AFF2: variants seen among roughly 807,000 people sequenced by gnomAD.
AFF2 encodes the protein ALF transcription elongation factor 2.
AFF2 carries 14 observed loss-of-function variants against 76.9 expected under a neutral mutation model. That is an observed-to-expected ratio of 0.18 (90% CI 0.12 to 0.28). The LOEUF (loss-of-function observed/expected upper bound fraction) is 0.28, where lower values mean the gene tolerates loss of function less well. AFF2 is among the 10% of genes least tolerant of loss of function. The probability of loss-of-function intolerance (pLI) is 1.00; values close to 1 mark genes in which losing one functional copy is unlikely to be tolerated. For synonymous variants in AFF2, 398 were observed against 366.7 expected, an observed-to-expected ratio of 1.09 and a Z score of -0.98; for missense variants, 868 against 1,001.1, an observed-to-expected ratio of 0.87 and a Z score of 1.79.
intron 15 of AFF2, among the ~76,000 whole-genome samples, chrX:148,968,070 G>C (rs1436100919): frequency 9.0e-6 from 1 of 111,423 alleles, no homozygotes; most frequent in Non-Finnish European, 1.9e-5. Flanking sequence ...GAGTTGTTTA[G>C]AGCTGTCTAA....
At chrX:148,911,502 C>T (rs1281740937) in intron 9 of AFF2, among the ~76,000 whole-genome samples, 3 of 111,625 alleles carry the variant, frequency 2.7e-5, no homozygotes, top group Non-Finnish European at 5.6e-5. Flanking sequence ...GGCTCCAGCA[C>T]CAAGAAGTTT....
chrX:148,685,817 C>G (rs1407814947), intron 3 of AFF2, among the ~76,000 whole-genome samples: 1 of 110,618 alleles, frequency 9.0e-6, no homozygotes, highest in Non-Finnish European at 1.9e-5. Context: ...CTATTTATCT[C>G]TTTTGTAAAT....
At chrX:148,621,072 A>G (rs1557251178) in intron 1 of AFF2, among the ~76,000 whole-genome samples, 2 of 111,449 alleles carry the variant, frequency 1.8e-5, no homozygotes, top group African/African-American at 6.5e-5. Flanking sequence ...GATTCCAGGG[A>G]GCTGTCCTGG....
At chrX:148,952,237 G>T (rs1557286692) in intron 9 of AFF2, among the ~76,000 whole-genome samples, 1 of 111,918 alleles carries the variant, frequency 8.9e-6, no homozygotes, top group African/African-American at 3.3e-5. Context: ...AAAGGTCTGT[G>T]CTCCTTGAGC....
At chrX:148,661,230 A>G (rs1282704385) in intron 2 of AFF2, among the ~76,000 whole-genome samples, 1 of 112,852 alleles carries the variant, frequency 8.9e-6, no homozygotes, top group Non-Finnish European at 1.9e-5. Context: ...GAACAATTGC[A>G]TCATTTCAAA....
At chrX:148,557,545 T>A (rs1250310959) in intron 1 of AFF2, among the ~76,000 whole-genome samples, 1 of 111,099 alleles carries the variant, frequency 9.0e-6, no homozygotes, top group African/African-American at 3.3e-5. Flanking sequence ...TGAAGGTAAA[T>A]CCCTCAGAGA....
At position 148,551,660 on chromosome X, in the gene AFF2, G is replaced by T. The variant is rs782619787; in HGVS notation, c.47+50516G>T. 2.7e-5 allele frequency among the ~76,000 whole-genome samples: 3 copies of T among 110,911 alleles called. No homozygotes were observed. In the East Asian group the frequency reaches 8.6e-4, roughly 32 times the overall value. On this transcript the variant is annotated intron_variant, in intron 1 of 20. Coordinates refer to ENST00000370460, the MANE Select transcript of AFF2 (RefSeq NM_002025.4). ...AAGAGGACTTCCTCTCTTTTGGAGAGCACCTGTGCAGTAAAGGGTTAACCT... is the reference window on the plus strand; with the variant it reads ...AAGAGGACTTCCTCTCTTTTGGAGATCACCTGTGCAGTAAAGGGTTAACCT...
chrX:148,986,434 C>T (rs2072472698), intron 19 of AFF2, among the ~76,000 whole-genome samples: 1 of 112,174 alleles, frequency 8.9e-6, no homozygotes, highest in East Asian at 2.8e-4. Flanking sequence ...ATGCTGTATA[C>T]AGCCAGCAGG....
intron 1 of AFF2, among the ~76,000 whole-genome samples, chrX:148,538,466 C>T (rs781923068): frequency 8.9e-6 from 1 of 112,309 alleles, no homozygotes; most frequent in Non-Finnish European, 1.9e-5. Flanking sequence ...GCTTTCAAAA[C>T]TTTAATGTAC....
At chrX:148,977,614 GACACACACACACACACACACACAC>G (rs140911348) in intron 16 of AFF2, among the ~76,000 whole-genome samples, 3 of 92,724 alleles carry the variant, frequency 3.2e-5, no homozygotes, top group Non-Finnish European at 6.4e-5. Context: ...CCAGCATTTA[GACACACACACACACACACACACAC>G]ACACACACAC....
At chrX:148,839,029 T>C (rs1272002713) in intron 5 of AFF2, among the ~76,000 whole-genome samples, 1 of 112,301 alleles carries the variant, frequency 8.9e-6, no homozygotes, top group Non-Finnish European at 1.9e-5. Flanking sequence ...GAGTTATCCA[T>C]CCAGTTCAGG....
intron 3 of AFF2, among the ~76,000 whole-genome samples, chrX:148,749,947 C>CTTTATTTATTTATTTATTTATTTA (rs56019532): frequency 9.8e-6 from 1 of 101,739 alleles, no homozygotes; most frequent in Non-Finnish European, 2.0e-5. Flanking sequence ...GGCCTGCACC[C>CTTTATTTATTTATTTATTTATTTA]TTTATTTATT....
At chrX:148,750,249 C>T (rs185690960) in intron 3 of AFF2, among the ~76,000 whole-genome samples, 7 of 110,648 alleles carry the variant, frequency 6.3e-5, no homozygotes, top group Non-Finnish European at 1.3e-4. Context: ...GGATTACAGG[C>T]GGAGCCACTG....
intron 8 of AFF2, among the ~76,000 whole-genome samples, chrX:148,890,369 A>G (rs1443752173): frequency 1.8e-5 from 2 of 112,190 alleles, no homozygotes; most frequent in African/African-American, 6.5e-5. Flanking sequence ...AAGACAGTGT[A>G]TAAGAAAATG....
At chrX:148,836,020 G>A (rs1318507171) in intron 4 of AFF2, among the ~76,000 whole-genome samples, 1 of 111,554 alleles carries the variant, frequency 9.0e-6, no homozygotes, top group African/African-American at 3.3e-5. Flanking sequence ...CATCTAAATT[G>A]TAAAAGAGAT....
At chrX:148,919,538 CAT>C (rs1177667394) in intron 9 of AFF2, among the ~76,000 whole-genome samples, 2 of 109,102 alleles carry the variant, frequency 1.8e-5, no homozygotes, top group African/African-American at 6.6e-5. Flanking sequence ...AAAATTTTTA[CAT>C]ATATATATAA....
chrX:148,855,129 C>T (rs985568990), intron 7 of AFF2, among the ~76,000 whole-genome samples: 1 of 111,400 alleles, frequency 9.0e-6, no homozygotes, highest in Non-Finnish European at 1.9e-5. Flanking sequence ...GAATTCTCAC[C>T]ACCTAGTGGT....
Position 148,663,873 on chromosome X carries a change from G to A in AFF2, c.1041+1105G>A, listed in dbSNP as rs148948884. ...AGCAGATGCGGTGATTTCAGAGGACGATGGGAACATAAAGGGAGGGAGGCC... is the reference window on the plus strand; with the variant it reads ...AGCAGATGCGGTGATTTCAGAGGACAATGGGAACATAAAGGGAGGGAGGCC... On this transcript the variant is annotated intron_variant, in intron 3 of 20. Coordinates refer to ENST00000370460, the MANE Select transcript of AFF2 (RefSeq NM_002025.4). 5.5e-3 allele frequency among the ~76,000 whole-genome samples: 611 copies of A among 112,065 alleles called. 6 individuals carry two copies. The highest frequency in any genetic ancestry group is 0.018 in the African/African-American group (570 of 30,851).
At chrX:148,594,542 G>T (rs781962368) in intron 1 of AFF2, among the ~76,000 whole-genome samples, 6 of 110,564 alleles carry the variant, frequency 5.4e-5, no homozygotes, top group Non-Finnish European at 9.5e-5. Context: ...AACTCAAAAG[G>T]ACTGGAGATA....
Sources: allele counts gnomAD v4.1 joint callset (sites outside exome capture counted in the v4.1 genomes callset), GRCh38; gene constraint gnomAD v4.1.1; transcripts MANE v1.5; gene names NCBI Gene and HGNC (gene_info 2026-07-23, HGNC 2026-07-21).